The following SLC10A7 variants were observed in gnomAD, a reference collection of about 807,000 sequenced individuals.
SLC10A7 encodes the protein sodium/bile acid cotransporter 7.
A neutral mutation model predicts 43.2 loss-of-function variants in SLC10A7; 29 were observed. The ratio of observed to expected loss-of-function variants is 0.67; its 90% CI spans 0.50 to 0.92. The LOEUF is 0.92. SLC10A7 is among the 40% of genes least tolerant of loss of function. The pLI is 0.00. For synonymous variants in SLC10A7, 152 were observed against 144.8 expected (o/e 1.05, Z -0.35); for missense variants, 295 against 403.2 (o/e 0.73, Z 2.30).
rs1482026014 is a variant in SLC10A7 at position 146,353,041 on chromosome 4, G to C, written c.436-27045C>G. Among the ~76,000 whole-genome samples, 9 of 151,088 alleles carry C rather than the reference G, an allele frequency of 6.0e-5. No individual in the cohort carries two copies. The South Asian group carries it at 6.3e-4, about 11-fold the overall frequency. On this transcript the variant is annotated intron_variant, in intron 5 of 11. Transcript: ENST00000335472. Reference sequence around the variant, plus strand: ...AGGCAAGAAATAACTAAAATCAGAGGAGAACTGAAGGAAATAGAGAAACAA... The same window carrying C: ...AGGCAAGAAATAACTAAAATCAGAGCAGAACTGAAGGAAATAGAGAAACAA...
intron 6 of SLC10A7, among the ~76,000 whole-genome samples, chr4:146,311,127 C>T (rs145904832): frequency 2.4e-4 from 37 of 152,206 alleles, no homozygotes; most frequent in African/African-American, 8.2e-4. Flanking sequence ...CTTAGGACAT[C>T]AGGGCTTAAT....
chr4:146,442,524 A>C lies in SLC10A7; in HGVS notation c.435+259T>G, dbSNP rs537483090. The C allele has an allele frequency of 5.7e-5, 74 of 1,296,810 alleles. 1 individual carries two copies. In the South Asian group the frequency reaches 1.3e-3, roughly 23 times the overall value. The allele number at this position is 1,296,810 out of a possible 1,614,324, so 80.3% of individuals were successfully genotyped here. A position where few individuals can be genotyped will look rare whatever the true frequency, so the allele number is the denominator to read the frequency against. On this transcript the variant is annotated intron_variant, in intron 5 of 11. Transcript: ENST00000335472. ...ATATATTGACATAACCTCTATAAGG[A>C]GACACATAGTGTTTTAATTGATTCC...
At chr4:146,267,550 C>T (rs567364170) in intron 10 of SLC10A7, among the ~76,000 whole-genome samples, 1 of 152,260 alleles carries the variant, frequency 6.6e-6, no homozygotes, top group Non-Finnish European at 1.5e-5. Context: ...GCAGATTGTG[C>T]TGCCTTACCC....
intron 5 of SLC10A7, among the ~76,000 whole-genome samples, chr4:146,349,619 T>C (rs1270293049): frequency 6.6e-6 from 1 of 152,208 alleles, no homozygotes; most frequent in Non-Finnish European, 1.5e-5. Flanking sequence ...TAGGTGTTCA[T>C]CAACAGTGGA....
In SLC10A7 at chr4:146,513,030, G is replaced by T. The variant is rs559186650; in HGVS notation, c.184-2981C>A. Among the ~76,000 whole-genome samples, 7 of 152,142 alleles carry T rather than the reference G, an allele frequency of 4.6e-5. No individual in the cohort carries two copies. In the South Asian group the frequency reaches 1.5e-3, roughly 32 times the overall value. On this transcript the variant is annotated intron_variant, in intron 2 of 11. Transcript: ENST00000335472. The stretch of plus-strand genomic sequence containing the variant: ...AAGAGTATGAAATACAATCTGTAGG[G>T]AAGTAGAATATGCATGTGTATGTTT...
chr4:146,424,758 T>G (rs566656286), intron 5 of SLC10A7, among the ~76,000 whole-genome samples: 1 of 152,122 alleles, frequency 6.6e-6, no homozygotes, highest in Non-Finnish European at 1.5e-5. Context: ...ATGAACTGAC[T>G]TTCAGGCTCA....
chr4:146,414,818 T>A (rs959259303), intron 5 of SLC10A7, among the ~76,000 whole-genome samples: 5 of 151,050 alleles, frequency 3.3e-5, no homozygotes, highest in Non-Finnish European at 7.4e-5. Flanking sequence ...GAAAGTAAAA[T>A]ACTCAACAGT....
intron 5 of SLC10A7, among the ~76,000 whole-genome samples, chr4:146,406,958 G>A (rs1727756670): frequency 6.6e-6 from 1 of 152,120 alleles, no homozygotes; most frequent in Non-Finnish European, 1.5e-5. Flanking sequence ...ACTCCAGCCT[G>A]GGCAACAGAG....
intron 5 of SLC10A7, among the ~76,000 whole-genome samples, chr4:146,406,628 A>G (rs1727717608): frequency 1.3e-5 from 2 of 151,994 alleles, no homozygotes. Flanking sequence ...AATTTGACAT[A>G]TAAGAAGCCA....
intron 4 of SLC10A7, among the ~76,000 whole-genome samples, chr4:146,490,721 T>C (rs1013961105): frequency 1.3e-5 from 2 of 152,098 alleles, no homozygotes; most frequent in African/African-American, 2.4e-5. Context: ...TGGACTTGCA[T>C]GAAGGAAAAA....
At chr4:146,333,152 C>A (rs1436763257) in intron 5 of SLC10A7, among the ~76,000 whole-genome samples, 1 of 152,072 alleles carries the variant, frequency 6.6e-6, no homozygotes, top group African/African-American at 2.4e-5. Context: ...ATACTTTGAT[C>A]AAAAAATACC....
chr4:146,396,597 A>G (rs1738841768), intron 5 of SLC10A7, among the ~76,000 whole-genome samples: 1 of 152,100 alleles, frequency 6.6e-6, no homozygotes, highest in South Asian at 2.1e-4. Context: ...GTTGCAGCAC[A>G]TTTTTTAAAA....
At chr4:146,427,385 CT>C (rs531612006) in intron 5 of SLC10A7, among the ~76,000 whole-genome samples, 3 of 151,500 alleles carry the variant, frequency 2.0e-5, no homozygotes, top group Admixed American at 6.6e-5. Flanking sequence ...AAGCTTAAAA[CT>C]TTTTTTTTAA....
intron 4 of SLC10A7, among the ~76,000 whole-genome samples, chr4:146,478,814 A>C (rs542702187): frequency 9.8e-5 from 15 of 152,330 alleles, no homozygotes; most frequent in Admixed American, 2.6e-4. Flanking sequence ...AAGAGCAAGA[A>C]GAAATGATAT....
At chr4:146,510,807 G>A (rs1231250050) in intron 2 of SLC10A7, among the ~76,000 whole-genome samples, 1 of 152,050 alleles carries the variant, frequency 6.6e-6, no homozygotes, top group African/African-American at 2.4e-5. Flanking sequence ...TTGCACCAAG[G>A]CTATAAGTCC....
intron 4 of SLC10A7, among the ~76,000 whole-genome samples, chr4:146,479,348 A>G (rs1445758862): frequency 1.3e-5 from 2 of 152,178 alleles, no homozygotes; most frequent in Non-Finnish European, 1.5e-5. Context: ...CTAATACCCT[A>G]CTTTATCATA....
At chr4:146,495,646 C>G (rs553450996) in intron 4 of SLC10A7, among the ~76,000 whole-genome samples, 1 of 152,102 alleles carries the variant, frequency 6.6e-6, no homozygotes, top group South Asian at 2.1e-4. Context: ...TACACTCAGA[C>G]TTCTATGACC....
At chr4:146,305,277 G>A (rs1036209188) in intron 7 of SLC10A7, among the ~76,000 whole-genome samples, 6 of 151,460 alleles carry the variant, frequency 4.0e-5, no homozygotes, top group African/African-American at 9.7e-5. Context: ...CCTTTGTAGG[G>A]ACATGGATGA....
At position 146,444,501 on chromosome 4, in the gene SLC10A7, CATAA is replaced by C. The variant is rs142587501; in HGVS notation, c.397-1684_397-1681del. Among the ~76,000 whole-genome samples the C allele has an allele frequency of 4.2e-3, 634 of 152,270 alleles. 3 individuals carry two copies. Among genetic ancestry groups the C allele is most frequent in the African/African-American group, 0.014 (594 of 41,542 alleles). On this transcript the variant is annotated intron_variant, in intron 4 of 11. Coordinates refer to ENST00000335472, the MANE Select transcript of SLC10A7 (RefSeq NM_001029998.6). ...AATAATATCATACTCATAAACAACTCATAAATACTCATAAATAACTATATGAGTA... is the reference window on the plus strand; with the variant it reads ...AATAATATCATACTCATAAACAACTCATACTCATAAATAACTATATGAGTA...
Sources: gnomAD v4.1 joint callset for allele counts (sites outside exome capture counted in the v4.1 genomes callset) on GRCh38, gnomAD v4.1.1 for gene constraint, MANE v1.5 for transcripts, NCBI Gene and HGNC (gene_info 2026-07-23, HGNC 2026-07-21) for gene names.